GABRB1: variants seen among roughly 807,000 people sequenced by gnomAD.
GABRB1 encodes the protein gamma-aminobutyric acid type A receptor subunit beta1.
Under a neutral mutation model 51.6 loss-of-function variants are expected in GABRB1, and 17 were observed. That is an observed-to-expected ratio of 0.33 (90% confidence interval 0.23 to 0.49). The LOEUF is 0.49. Among genes scored for constraint, GABRB1 ranks in the 20% least tolerant of loss-of-function variants. The pLI is 0.99. For synonymous variants in GABRB1, 247 were observed against 218.9 expected, an observed-to-expected ratio of 1.13 and a Z score of -1.14; for missense variants, 410 against 600.6, an observed-to-expected ratio of 0.68 and a Z score of 3.32.
intron 5 of GABRB1, among the ~76,000 whole-genome samples, chr4:47,375,731 G>C (rs934156790): frequency 3.9e-5 from 6 of 152,202 alleles, no homozygotes; most frequent in African/African-American, 1.4e-4. Context: ...CTACTGACCA[G>C]AATGAGTCAC....
chr4:47,326,531 A>G (rs1224283722), intron 5 of GABRB1, among the ~76,000 whole-genome samples: 2 of 152,210 alleles, frequency 1.3e-5, no homozygotes, highest in East Asian at 3.8e-4. Flanking sequence ...TACATATAGA[A>G]AAAACATAGT....
chr4:47,101,038 C>T (rs937124551), intron 3 of GABRB1, among the ~76,000 whole-genome samples: 5 of 151,924 alleles, frequency 3.3e-5, no homozygotes, highest in African/African-American at 9.7e-5. Flanking sequence ...AAATTATGAA[C>T]AATTCCATGT....
At chr4:47,261,168 C>T (rs902373232) in intron 4 of GABRB1, among the ~76,000 whole-genome samples, 5 of 152,182 alleles carry the variant, frequency 3.3e-5, no homozygotes, top group South Asian at 4.1e-4. Flanking sequence ...CTCACCACTC[C>T]TATTCCACAT....
chr4:47,328,362 G>A lies in GABRB1; in HGVS notation c.544+8153G>A, dbSNP rs188230304. 7.4e-3 allele frequency among the ~76,000 whole-genome samples: 1,119 copies of A among 152,182 alleles called. 13 individuals carry two copies. Among genetic ancestry groups the A allele is most frequent in the African/African-American group, 0.026 (1,065 of 41,510 alleles). On this transcript the variant is annotated intron_variant, in intron 5 of 8. Transcript: ENST00000295454. ...TTGTCTTTTGTTGCCATTGCTTTTG[G>A]TGTTTTAGACATGAAGTCCTTGCCC...
At chr4:47,087,759 A>G (rs1300995370) in intron 3 of GABRB1, among the ~76,000 whole-genome samples, 4 of 152,192 alleles carry the variant, frequency 2.6e-5, no homozygotes, top group African/African-American at 9.6e-5. Flanking sequence ...CACTGTCTGA[A>G]ATTAGCATCC....
intron 1 of GABRB1, among the ~76,000 whole-genome samples, chr4:46,994,594 A>G (rs1463811359): frequency 6.6e-6 from 1 of 151,990 alleles, no homozygotes; most frequent in Non-Finnish European, 1.5e-5. Context: ...GGGGACAAAT[A>G]TTAGTTCCCT....
At chr4:47,064,464 G>T (rs1028535438) in intron 3 of GABRB1, among the ~76,000 whole-genome samples, 1 of 151,592 alleles carries the variant, frequency 6.6e-6, no homozygotes, top group Non-Finnish European at 1.5e-5. Flanking sequence ...GTGAAACTCC[G>T]TCTCTACTAC....
intron 4 of GABRB1, among the ~76,000 whole-genome samples, chr4:47,274,561 C>G (rs1456150748): frequency 6.6e-6 from 1 of 151,664 alleles, no homozygotes; most frequent in African/African-American, 2.4e-5. Flanking sequence ...ATAGGGGTCT[C>G]TTCTCTCCCC....
intron 5 of GABRB1, among the ~76,000 whole-genome samples, chr4:47,401,437 T>A (rs1229419120): frequency 1.3e-5 from 2 of 152,180 alleles, no homozygotes; most frequent in East Asian, 3.9e-4. Flanking sequence ...ATACCCTTCC[T>A]TCTTTAGTAG....
chr4:47,080,717 C>T (rs1355735719), intron 3 of GABRB1, among the ~76,000 whole-genome samples: 1 of 152,118 alleles, frequency 6.6e-6, no homozygotes, highest in Non-Finnish European at 1.5e-5. Flanking sequence ...GTGTGCCTGG[C>T]TTCATGTTCT....
intron 1 of GABRB1, among the ~76,000 whole-genome samples, chr4:47,019,658 T>TCTTTCTTTCTTTCTTC (rs1171033740): frequency 1.4e-5 from 2 of 145,216 alleles, no homozygotes; most frequent in Non-Finnish European, 3.0e-5. Context: ...TTTCTTTCTT[T>TCTTTCTTTCTTTCTTC]CTTTCTTTCT....
intron 4 of GABRB1, among the ~76,000 whole-genome samples, chr4:47,259,065 A>C (rs1722324983): frequency 6.6e-6 from 1 of 152,082 alleles, no homozygotes; most frequent in East Asian, 1.9e-4. Flanking sequence ...TGGAACTTTC[A>C]TTGCCACCAT....
intron 3 of GABRB1, among the ~76,000 whole-genome samples, chr4:47,039,359 C>CAAAAAAAAAAAAAAAAAACA (rs10603411): frequency 1.5e-5 from 1 of 65,504 alleles, no homozygotes. Flanking sequence ...AAAGAAAATA[C>CAAAAAAAAAAAAAAAAAACA]AAAAAAAAAA....
At chr4:47,062,741 G>C (rs1437847837) in intron 3 of GABRB1, among the ~76,000 whole-genome samples, 2 of 152,096 alleles carry the variant, frequency 1.3e-5, no homozygotes, top group Non-Finnish European at 2.9e-5. Flanking sequence ...CCTTAAGCAT[G>C]TCTCTTAAAC....
intron 4 of GABRB1, among the ~76,000 whole-genome samples, chr4:47,218,451 C>A (rs889328559): frequency 2.0e-5 from 3 of 151,778 alleles, no homozygotes; most frequent in Non-Finnish European, 4.4e-5. Context: ...TACATTTTCA[C>A]CTGGTACATG....
chr4:47,295,275 T>G (rs1419545620), intron 4 of GABRB1, among the ~76,000 whole-genome samples: 1 of 152,106 alleles, frequency 6.6e-6, no homozygotes, highest in Non-Finnish European at 1.5e-5. Flanking sequence ...TTTGACGAGT[T>G]GAGAGGAGAA....
In GABRB1 at chr4:47,123,936, T is replaced by C. The variant is rs1560545948; in HGVS notation, c.241-37313T>C. ...TTAATATATGATATATAATATATTA[T>C]ATATATTATATATATCATATATATG... On this transcript the variant is annotated intron_variant, in intron 3 of 8. Coordinates refer to ENST00000295454, the MANE Select transcript of GABRB1 (RefSeq NM_000812.4). Among the ~76,000 whole-genome samples the C allele has an allele frequency of 9.7e-5, 11 of 113,280 alleles. No homozygotes were observed. In the South Asian group the frequency reaches 2.5e-3, roughly 26 times the overall value. The allele number at this position is 113,280 out of a possible 152,430, so 74.3% of individuals were successfully genotyped here.
intron 3 of GABRB1, among the ~76,000 whole-genome samples, chr4:47,126,725 A>G (rs373057863): frequency 1.7e-4 from 26 of 152,218 alleles, no homozygotes; most frequent in Non-Finnish European, 2.9e-4. Flanking sequence ...TTTTAATGCT[A>G]TGCTAGGAAG....
chr4:47,117,994 A>C (rs1475698308), intron 3 of GABRB1, among the ~76,000 whole-genome samples: 1 of 152,166 alleles, frequency 6.6e-6, no homozygotes, highest in African/African-American at 2.4e-5. Context: ...TGACTTGTCC[A>C]CTTCTGTATA....
Sources: allele counts gnomAD v4.1 joint callset (sites outside exome capture counted in the v4.1 genomes callset), GRCh38; gene constraint gnomAD v4.1.1; transcripts MANE v1.5; gene names NCBI Gene and HGNC (gene_info 2026-07-23, HGNC 2026-07-21).